The following CIP2A variants were observed in gnomAD, a reference collection of about 807,000 sequenced individuals.
CIP2A encodes cellular inhibitor of PP2A.
CIP2A carries 103 observed loss-of-function variants against 110.9 expected under a neutral mutation model. The observed-to-expected ratio is 0.93, with a 90% CI of 0.79 to 1.09. The LOEUF (loss-of-function observed/expected upper bound fraction) is 1.09, where lower values mean the gene tolerates loss of function less well. CIP2A is among the 50% of genes least tolerant of loss of function. The probability of loss-of-function intolerance (pLI) is 0.00; values close to 1 mark genes in which losing one functional copy is unlikely to be tolerated. For synonymous variants in CIP2A, 381 were observed against 361.6 expected (o/e 1.05, Z -0.61); for missense variants, 1,088 against 1,038.4 (o/e 1.05, Z -0.66).
At position 108,573,689 on chromosome 3, in the gene CIP2A, C is replaced by T. The variant is rs147543167; in HGVS notation, c.894+2582G>A. On this transcript the variant is annotated intron_variant, in intron 8 of 20. Coordinates refer to ENST00000295746, the MANE Select transcript of CIP2A (RefSeq NM_020890.3). The stretch of plus-strand genomic sequence containing the variant: ...ATTTAGATACTAATTAGAAATAGTT[C>T]TCATATTGCACATGAGAAAGGAATT... Among the ~76,000 whole-genome samples the T allele has an allele frequency of 1.4e-3, 213 of 152,048 alleles. 1 individual carries two copies. Among genetic ancestry groups the T allele is most frequent in the African/African-American group, 4.6e-3 (193 of 41,510 alleles).
intron 8 of CIP2A, among the ~76,000 whole-genome samples, chr3:108,572,840 A>G (rs1376244466): frequency 6.6e-6 from 1 of 152,044 alleles, no homozygotes; most frequent in Non-Finnish European, 1.5e-5. Flanking sequence ...GACCACCAAT[A>G]CTAAGCTGAA....
rs911799322 is a variant in CIP2A, at chr3:108,551,039, A to G, written c.*110T>C. 2.1e-6 allele frequency: 1 copy of G among 473,506 alleles called. No individual in the cohort carries two copies. The highest frequency in any genetic ancestry group is 3.4e-6 in the Non-Finnish European group (1 of 292,296). The allele number at this position is 473,506 out of a possible 1,614,324, so 29.3% of individuals were successfully genotyped here. On this transcript the variant is annotated 3_prime_UTR_variant, in exon 21 of 21. Transcript: ENST00000295746. ...CAGGGTCTTTACTAAATTAGATAAT[A>G]ACTTCTTATTGTTACGAAGTCACAA...
chr3:108,551,338 G>C lies in CIP2A; in HGVS notation c.2548-19C>G. On this transcript the variant is annotated intron_variant, in intron 20 of 20. Coordinates refer to ENST00000295746, the MANE Select transcript of CIP2A (RefSeq NM_020890.3). ...AGGAAGCCTAAGGAATTGGGGTTGG[G>C]GGAGGAGGAAGAATTGAGAAGAAAA... is the stretch of plus-strand genomic sequence containing the variant. The C allele has an allele frequency of 6.4e-7, 1 of 1,568,162 alleles. No individual in the cohort carries two copies. The highest frequency in any genetic ancestry group is 8.7e-7 in the Non-Finnish European group (1 of 1,155,886).
At chr3:108,583,412 C>T (rs1938949228) in intron 2 of CIP2A, among the ~76,000 whole-genome samples, 1 of 151,984 alleles carries the variant, frequency 6.6e-6, no homozygotes, top group Non-Finnish European at 1.5e-5. Context: ...TACTATTTGG[C>T]CATATAAAAG....
At position 108,555,376 on chromosome 3, in the gene CIP2A, T is replaced by A. The variant is rs115875504; in HGVS notation, c.2211-887A>T. 5.2e-3 allele frequency among the ~76,000 whole-genome samples: 794 copies of A among 152,224 alleles called. 10 individuals carry two copies. Among genetic ancestry groups the A allele is most frequent in the African/African-American group, 0.018 (765 of 41,554 alleles). On this transcript the variant is annotated intron_variant, in intron 17 of 20. Coordinates refer to ENST00000295746, the MANE Select transcript of CIP2A (RefSeq NM_020890.3). ...GGACCTAGATAGCCCTAGAAGTAAATAAGTAACTTGTTAAACAGGAAGGTA... is the reference window on the plus strand; with the variant it reads ...GGACCTAGATAGCCCTAGAAGTAAAAAAGTAACTTGTTAAACAGGAAGGTA...
intron 8 of CIP2A, among the ~76,000 whole-genome samples, chr3:108,570,661 A>G (rs1474501214): frequency 6.6e-6 from 1 of 152,154 alleles, no homozygotes; most frequent in Non-Finnish European, 1.5e-5. Context: ...TGTATAGGAC[A>G]CTTACCATAA....
In CIP2A at chr3:108,552,310, T is replaced by A; in HGVS notation, c.2471A>T (p.Asp824Val). 1 of 1,559,764 alleles carries A rather than the reference T, an allele frequency of 6.4e-7. No homozygotes were observed. Among genetic ancestry groups the A allele is most frequent in the Non-Finnish European group, 8.7e-7 (1 of 1,146,942 alleles). Reference sequence around the variant, plus strand: ...AAGGATATCAATGGTTTCTTCCTTATCTTCCCTTTCCTTTTGTAAGGTTTT... The same window carrying A: ...AAGGATATCAATGGTTTCTTCCTTAACTTCCCTTTCCTTTTGTAAGGTTTT... Reference protein sequence around the residue: ...KIKTLQKEREDKEETIDILRK... With the variant: ...KIKTLQKEREVKEETIDILRK... Residue 824 changes from aspartate (D) to valine (V), a missense_variant, in exon 20 of 21, where the codon GAT (aspartate) becomes GTT (valine). Physicochemically the swap from Asp to Val is radical, Grantham distance 152. Coordinates refer to ENST00000295746, the MANE Select transcript of CIP2A (RefSeq NM_020890.3).
chr3:108,552,108 G>A lies in CIP2A; in HGVS notation c.2547+126C>T, dbSNP rs980467159. 3.3e-5 allele frequency: 21 copies of A among 637,890 alleles called. No homozygotes were observed. The African/African-American group carries it at 3.3e-4, about 10-fold the overall frequency. 39.5% of individuals were successfully genotyped at this position (637,890 alleles called of 1,614,324 possible). On this transcript the variant is annotated intron_variant, in intron 20 of 20. Transcript: ENST00000295746. ...CCTCATAACAAATGATACTCAAGCTGCTTTGAGATCCTAATATCTTCTAAA... is the reference window on the plus strand; with the variant it reads ...CCTCATAACAAATGATACTCAAGCTACTTTGAGATCCTAATATCTTCTAAA...
At chr3:108,587,626 AT>A (rs766489312) in intron 1 of CIP2A, among the ~76,000 whole-genome samples, 14 of 152,194 alleles carry the variant, frequency 9.2e-5, no homozygotes, top group Non-Finnish European at 1.9e-4. Context: ...CTCTGTATGT[AT>A]TTTATCTCTT....
intron 12 of CIP2A, 22 bp from the exon 13 acceptor site, chr3:108,563,266 AAAG>A (rs773312457): frequency 7.3e-6 from 10 of 1,378,126 alleles, no homozygotes; most frequent in South Asian, 3.5e-5. Context: ...AGAAACCAAA[AAAG>A]AAGCAGCAGA....
intron 8 of CIP2A, 66 bp downstream of exon 8, chr3:108,576,204 GT>G (rs1415609834): frequency 2.0e-5 from 20 of 998,040 alleles, no homozygotes; most frequent in Non-Finnish European, 7.5e-6. Flanking sequence ...GTATTTTGCA[GT>G]TTTTTAAAAG....
intron 5 of CIP2A, 22 bp from the exon 6 acceptor site, chr3:108,579,710 A>C: frequency 7.0e-7 from 1 of 1,427,618 alleles, no homozygotes; most frequent in African/African-American, 1.5e-5. Flanking sequence ...AAAGTTAAAA[A>C]ATAAATTAGA....
intron 1 of CIP2A, 90 bp downstream of exon 1, chr3:108,589,184 C>T: frequency 1.1e-6 from 1 of 927,212 alleles, no homozygotes; most frequent in Non-Finnish European, 1.7e-6. Flanking sequence ...TCCTTTCTTT[C>T]CCAGGCTGGG....
In CIP2A at chr3:108,569,275, G is replaced by C. The variant is rs140120213; in HGVS notation, c.1113+114C>G. 2.3e-3 allele frequency: 1,703 copies of C among 748,456 alleles called. 27 individuals carry two copies. The African/African-American group carries it at 0.028, about 12-fold the overall frequency. The allele number at this position is 748,456 out of a possible 1,614,324, so 46.4% of individuals were successfully genotyped here. A position where few individuals can be genotyped will look rare whatever the true frequency, so the allele number is the denominator to read the frequency against. ...GAGTCTAGTATGACTGTTAGTAATTGAGATGTTTTCCTCAAGTGTATGAAC... is the reference window on the plus strand; with the variant it reads ...GAGTCTAGTATGACTGTTAGTAATTCAGATGTTTTCCTCAAGTGTATGAAC... On this transcript the variant is annotated intron_variant, in intron 9 of 20. Coordinates refer to ENST00000295746, the MANE Select transcript of CIP2A (RefSeq NM_020890.3).
chr3:108,562,116 T>C (rs1220750720), intron 13 of CIP2A, among the ~76,000 whole-genome samples: 2 of 152,206 alleles, frequency 1.3e-5, no homozygotes, highest in Non-Finnish European at 2.9e-5. Context: ...TTTGGTTATA[T>C]GTTCTCTAGG....
At chr3:108,570,294 T>C (rs1249326817) in intron 8 of CIP2A, among the ~76,000 whole-genome samples, 1 of 152,124 alleles carries the variant, frequency 6.6e-6, no homozygotes, top group Non-Finnish European at 1.5e-5. Context: ...TTACAAATGA[T>C]ATATAATTGG....
intron 18 of CIP2A, 88 bp from the exon 19 acceptor site, chr3:108,553,818 C>T (rs1405887557): frequency 3.6e-5 from 34 of 954,388 alleles, no homozygotes; most frequent in Admixed American, 5.7e-5. Flanking sequence ...TTTGGGAGGC[C>T]AAGGCGGGCA....
intron 7 of CIP2A, among the ~76,000 whole-genome samples, chr3:108,578,487 T>G (rs532496735): frequency 7.3e-6 from 1 of 137,478 alleles, no homozygotes; most frequent in Non-Finnish European, 1.6e-5. Flanking sequence ...TTTGCCCTAG[T>G]GCTTAGCTTT....
chr3:108,582,167 G>T lies in CIP2A; in HGVS notation c.393C>A (p.Val131=). ...IQLLQKLTYN[V]KIFYSGANID... ...TATTGGCACCAGAATAGAAAATTTT[G>T]ACATTATATGTTAACTTCTGTAGAA... The change falls in exon 4 of 21, where the codon GTC becomes GTA. Residue 131 remains valine (V), a synonymous_variant. Transcript: ENST00000295746. 6.7e-7 allele frequency: 1 copy of T among 1,484,920 alleles called. No homozygotes were observed. The highest frequency in any genetic ancestry group is 1.2e-5 in the South Asian group (1 of 80,104). The allele number at this position is 1,484,920 out of a possible 1,614,324, so 92.0% of individuals were successfully genotyped here.
Sources: gnomAD v4.1 joint callset for allele counts (sites outside exome capture counted in the v4.1 genomes callset) on GRCh38, gnomAD v4.1.1 for gene constraint, MANE v1.5 for transcripts, NCBI Gene and HGNC (gene_info 2026-07-23, HGNC 2026-07-21) for gene names.